ADCY5: variants seen among roughly 807,000 people sequenced by gnomAD.
The protein encoded by ADCY5 is adenylate cyclase 5.
A neutral mutation model predicts 119.7 loss-of-function variants in ADCY5; 30 were observed. The observed-to-expected ratio is 0.25, with a 90% CI of 0.19 to 0.34. The LOEUF (loss-of-function observed/expected upper bound fraction) is 0.34, where lower values mean the gene tolerates loss of function less well. ADCY5 is among the 10% of genes least tolerant of loss of function. The pLI, the probability that ADCY5 is intolerant of heterozygous loss-of-function variation, is 1.00. For missense variants in ADCY5, 1,324 were observed against 1,775.2 expected, an observed-to-expected ratio of 0.75 and a Z score of 4.57; for synonymous variants, 753 against 762.2, an observed-to-expected ratio of 0.99 and a Z score of 0.20.
Position 123,286,657 on chromosome 3 carries a change from G to A in ADCY5, c.3657+28C>T. On this transcript the variant is annotated intron_variant, in intron 20 of 20. Transcript: ENST00000462833. This position sits in a 1 kb window ranked among gnomAD's most constrained non-coding sequence, Gnocchi z 4.2. ...TCAGACACAGGACCTCCCATGGGGTGAGGGGTGGTGGATGCTCCTGCACTC... is the reference window on the plus strand; with the variant it reads ...TCAGACACAGGACCTCCCATGGGGTAAGGGGTGGTGGATGCTCCTGCACTC... 1 of 1,584,336 alleles carries A rather than the reference G, an allele frequency of 6.3e-7. No individual in the cohort carries two copies. The highest frequency in any genetic ancestry group is 8.6e-7 in the Non-Finnish European group (1 of 1,167,496).
intron 1 of ADCY5, among the ~76,000 whole-genome samples, chr3:123,374,754 G>A (rs572193092): frequency 6.6e-6 from 1 of 151,260 alleles, no homozygotes; most frequent in East Asian, 2.0e-4. Context: ...CTGCACTCAA[G>A]AGACGGGGCT....
intron 3 of ADCY5, among the ~76,000 whole-genome samples, chr3:123,347,291 C>T (rs184212123): frequency 2.6e-5 from 4 of 152,144 alleles, no homozygotes; most frequent in South Asian, 2.1e-4. Context: ...ATCTATCAAC[C>T]GGGTGTGTTG....
intron 1 of ADCY5, among the ~76,000 whole-genome samples, chr3:123,396,532 AAAAGAAAG>A (rs370071235): frequency 0.19 from 26,491 of 137,566 alleles, 3,007 homozygotes; most frequent in Non-Finnish European, 0.25. Flanking sequence ...AGAGAGAAAG[AAAAGAAAG>A]AAAGAAAGAA....
intron 1 of ADCY5, among the ~76,000 whole-genome samples, chr3:123,378,521 C>G (rs1056223971): frequency 6.6e-6 from 1 of 152,156 alleles, no homozygotes; most frequent in African/African-American, 2.4e-5. Flanking sequence ...GAGGGACAGA[C>G]GGAGGGAGGC....
chr3:123,359,565 G>A (rs1943171857), intron 1 of ADCY5, among the ~76,000 whole-genome samples: 4 of 151,450 alleles, frequency 2.6e-5, no homozygotes, highest in East Asian at 1.9e-4. Context: ...AGCGTTTTCC[G>A]TGTGCATCAG....
chr3:123,444,438 A>T (rs1175834144), intron 1 of ADCY5, among the ~76,000 whole-genome samples: 4 of 152,064 alleles, frequency 2.6e-5, no homozygotes, highest in Non-Finnish European at 5.9e-5. Context: ...TCAGAGAGGA[A>T]AGGAGCAGGC....
At chr3:123,346,655 G>A (rs1198202407) in intron 3 of ADCY5, among the ~76,000 whole-genome samples, 168 of 113,968 alleles carry the variant, frequency 1.5e-3, no homozygotes, top group Non-Finnish European at 3.0e-3. Flanking sequence ...GTGTATGTGT[G>A]TGTGTGTGTG....
At chr3:123,396,439 A>AGGGAGGG (rs1944568423) in intron 1 of ADCY5, among the ~76,000 whole-genome samples, 1 of 129,550 alleles carries the variant, frequency 7.7e-6, no homozygotes, top group Admixed American at 7.4e-5. Flanking sequence ...GGGAAAGAGA[A>AGGGAGGG]AGGAAGGAAG....
At chr3:123,370,833 C>G (rs897012015) in intron 1 of ADCY5, among the ~76,000 whole-genome samples, 7 of 152,144 alleles carry the variant, frequency 4.6e-5, no homozygotes, top group African/African-American at 9.7e-5. Flanking sequence ...GTTCCTCCCC[C>G]ACTTCCTCCT....
chr3:123,323,877 T>C (rs1199859336), intron 8 of ADCY5, among the ~76,000 whole-genome samples: 1 of 152,156 alleles, frequency 6.6e-6, no homozygotes, highest in Admixed American at 6.5e-5. Flanking sequence ...CTGTCCAGGC[T>C]AGTCCTGAAC....
intron 1 of ADCY5, among the ~76,000 whole-genome samples, chr3:123,446,700 T>C (rs1242177563): frequency 6.6e-6 from 1 of 152,100 alleles, no homozygotes; most frequent in Non-Finnish European, 1.5e-5. Flanking sequence ...CCACAAGCAA[T>C]GACCAGGGGC....
chr3:123,362,282 A>G (rs1027145077), intron 1 of ADCY5, among the ~76,000 whole-genome samples: 3 of 152,184 alleles, frequency 2.0e-5, no homozygotes. Context: ...CCAACATTGC[A>G]TGGGGGTTCC....
intron 1 of ADCY5, among the ~76,000 whole-genome samples, chr3:123,396,693 AG>A: frequency 7.1e-6 from 1 of 141,602 alleles, no homozygotes; most frequent in African/African-American, 2.9e-5. Context: ...AAAGAAAGAG[AG>A]AGAGAGAGGG....
intron 1 of ADCY5, among the ~76,000 whole-genome samples, chr3:123,410,021 C>T (rs1008029227): frequency 6.6e-6 from 1 of 152,186 alleles, no homozygotes; most frequent in African/African-American, 2.4e-5. Context: ...CACCCACTTC[C>T]CCAACTGAGA....
chr3:123,434,589 T>C (rs942246557), intron 1 of ADCY5, among the ~76,000 whole-genome samples: 1 of 152,176 alleles, frequency 6.6e-6, no homozygotes. Context: ...ACCCAAAAAA[T>C]GCTAATTAAA....
In ADCY5 at chr3:123,422,199, G is replaced by A. The variant is rs113970091; in HGVS notation, c.1134+25213C>T. Reference sequence around the variant, plus strand: ...TGCCAGGCTTTCTCCCCTTTCTCTCGGCAAAGTGGCACCAAAGCTGAGTCT... The same window carrying A: ...TGCCAGGCTTTCTCCCCTTTCTCTCAGCAAAGTGGCACCAAAGCTGAGTCT... On this transcript the variant is annotated intron_variant, in intron 1 of 20. Transcript: ENST00000462833. Among the ~76,000 whole-genome samples the A allele has an allele frequency of 4.8e-3, 733 of 152,228 alleles. 9 individuals carry two copies. Among genetic ancestry groups the A allele is most frequent in the African/African-American group, 0.016 (673 of 41,522 alleles).
At chr3:123,372,777 C>T (rs747132962) in intron 1 of ADCY5, among the ~76,000 whole-genome samples, 5 of 152,140 alleles carry the variant, frequency 3.3e-5, no homozygotes, top group Non-Finnish European at 5.9e-5. Flanking sequence ...GAGAAGAAAC[C>T]CTGGGTGTGT....
chr3:123,303,001 G>C (rs1315810692), intron 14 of ADCY5, 54 bp downstream of exon 14: 2 of 1,589,480 alleles, frequency 1.3e-6, no homozygotes, highest in Non-Finnish European at 1.7e-6. Flanking sequence ...AGTGACAGTG[G>C]GGGAGGGCAA....
At chr3:123,357,052 G>C (rs1390419498) in intron 1 of ADCY5, among the ~76,000 whole-genome samples, 1 of 152,136 alleles carries the variant, frequency 6.6e-6, no homozygotes, top group East Asian at 1.9e-4. Flanking sequence ...ACTGCACATA[G>C]ATCAGTGGTT....
Sources: allele counts gnomAD v4.1 joint callset (sites outside exome capture counted in the v4.1 genomes callset), GRCh38; gene constraint gnomAD v4.1.1; non-coding constraint Gnocchi (gnomAD v3.1); transcripts MANE v1.5; gene names NCBI Gene and HGNC (gene_info 2026-07-23, HGNC 2026-07-21).